Variants in RAP1GAP2 observed in about 807,000 individuals in gnomAD.
RAP1GAP2 encodes the protein rap1 GTPase-activating protein 2.
Under a neutral mutation model 95.0 loss-of-function variants are expected in RAP1GAP2, and 27 were observed. The observed-to-expected ratio is 0.28, with a 90% CI of 0.21 to 0.39. The LOEUF (loss-of-function observed/expected upper bound fraction) is 0.39. RAP1GAP2 is among the 10% of genes least tolerant of loss of function. The probability of loss-of-function intolerance (pLI) is 1.00; values close to 1 mark genes in which losing one functional copy is unlikely to be tolerated. For synonymous variants in RAP1GAP2, 373 were observed against 380.9 expected (o/e 0.98, Z 0.24); for missense variants, 771 against 970.0 (o/e 0.79, Z 2.72).
intron 24 of RAP1GAP2, among the ~76,000 whole-genome samples, chr17:3,032,859 T>C (rs2151681386): frequency 6.6e-6 from 1 of 152,290 alleles, no homozygotes; most frequent in South Asian, 2.1e-4. Context: ...TCTCCCTCCC[T>C]GTCGGGAGTC....
chr17:2,992,645 T>C (rs1433230954), intron 12 of RAP1GAP2, among the ~76,000 whole-genome samples: 3 of 152,194 alleles, frequency 2.0e-5, no homozygotes, highest in Non-Finnish European at 2.9e-5. Context: ...AGCAGCCAGA[T>C]TGACATGAGC....
At chr17:2,983,434 G>A (rs1182977124) in intron 10 of RAP1GAP2, among the ~76,000 whole-genome samples, 1 of 151,968 alleles carries the variant, frequency 6.6e-6, no homozygotes, top group Non-Finnish European at 1.5e-5. Flanking sequence ...TCTCAGGAGC[G>A]TCATAAAAAA....
intron 8 of RAP1GAP2, among the ~76,000 whole-genome samples, chr17:2,969,314 G>T (rs1400227601): frequency 1.3e-5 from 2 of 151,574 alleles, no homozygotes; most frequent in Non-Finnish European, 2.9e-5. Context: ...CTGTGGACCT[G>T]CTACATCAGA....
chr17:2,964,438 C>T (rs1182379342), intron 7 of RAP1GAP2: 6 of 243,056 alleles, frequency 2.5e-5, no homozygotes, highest in Non-Finnish European at 4.9e-5. Context: ...TTACCTCCTT[C>T]CTAGTCTGTC....
intron 16 of RAP1GAP2, among the ~76,000 whole-genome samples, chr17:3,006,757 A>G (rs1442409066): frequency 6.6e-6 from 1 of 152,090 alleles, no homozygotes; most frequent in Non-Finnish European, 1.5e-5. Flanking sequence ...TAAAGCACCT[A>G]CTATGTGTCA....
chr17:2,841,734 C>G (rs2071381516), intron 2 of RAP1GAP2, among the ~76,000 whole-genome samples: 1 of 152,276 alleles, frequency 6.6e-6, no homozygotes, highest in East Asian at 1.9e-4. Flanking sequence ...ATCTCCTGGC[C>G]TGTTTCCCAA....
In RAP1GAP2 at chr17:2,910,598, A is replaced by T. The variant is rs78805216; in HGVS notation, c.165+5230A>T. The stretch of plus-strand genomic sequence containing the variant: ...CACCCCTTTGGTTGATTAGCTTGGG[A>T]GTCACAGAAGATTAGGGATGGGCGA... On this transcript the variant is annotated intron_variant, in intron 3 of 24. Coordinates refer to ENST00000254695, the MANE Select transcript of RAP1GAP2 (RefSeq NM_015085.5). 1.4e-3 allele frequency among the ~76,000 whole-genome samples: 219 copies of T among 152,298 alleles called. 2 individuals are homozygous for T. In the East Asian group the frequency reaches 0.022, roughly 15 times the overall value.
At chr17:2,768,846 G>T (rs2068327327) in intron 1 of RAP1GAP2, among the ~76,000 whole-genome samples, 1 of 151,956 alleles carries the variant, frequency 6.6e-6, no homozygotes, top group South Asian at 2.1e-4. Context: ...GGGAGCCTGG[G>T]AGAGACCCTG....
chr17:2,807,127 C>T (rs2069556671), intron 2 of RAP1GAP2, among the ~76,000 whole-genome samples: 1 of 152,208 alleles, frequency 6.6e-6, no homozygotes, highest in Non-Finnish European at 1.5e-5. Context: ...AAACTCCCGA[C>T]CTCAGGTGAT....
intron 13 of RAP1GAP2, among the ~76,000 whole-genome samples, chr17:2,996,962 C>T (rs750285444): frequency 1.3e-5 from 2 of 152,118 alleles, no homozygotes; most frequent in Admixed American, 6.6e-5. Context: ...AGCCAGGACT[C>T]GACATACAGG....
chr17:2,868,326 CA>C (rs1392616591), intron 2 of RAP1GAP2, among the ~76,000 whole-genome samples: 1 of 152,022 alleles, frequency 6.6e-6, no homozygotes, highest in East Asian at 1.9e-4. Context: ...CTCTAGATGG[CA>C]AAAACACGAC....
At chr17:2,795,364 A>G (rs1235651716), upstream of RAP1GAP2, among the ~76,000 whole-genome samples, 1 of 152,192 alleles carries the variant, frequency 6.6e-6, no homozygotes, top group Non-Finnish European at 1.5e-5. Flanking sequence ...GGTCAGCACC[A>G]GTGCGTGCAG....
intron 11 of RAP1GAP2, 56 bp downstream of exon 11, chr17:2,985,122 C>CTT: frequency 6.2e-7 from 1 of 1,607,462 alleles, no homozygotes; most frequent in Non-Finnish European, 8.5e-7. Flanking sequence ...ACTTAGGACT[C>CTT]TTTTTATCCC....
intron 2 of RAP1GAP2, among the ~76,000 whole-genome samples, chr17:2,862,459 G>A (rs888444432): frequency 6.6e-6 from 1 of 152,064 alleles, no homozygotes; most frequent in African/African-American, 2.4e-5. Flanking sequence ...CTGTTCAGAC[G>A]GGGGCTGCTG....
chr17:2,819,564 C>T (rs538650472), intron 2 of RAP1GAP2, among the ~76,000 whole-genome samples: 7 of 151,952 alleles, frequency 4.6e-5, no homozygotes, highest in Admixed American at 3.9e-4. Context: ...GCCTCTGCCT[C>T]CCGGGTTCCA....
At chr17:2,761,703 C>T (rs1191180798) in intron 1 of RAP1GAP2, among the ~76,000 whole-genome samples, 1 of 152,136 alleles carries the variant, frequency 6.6e-6, no homozygotes, top group Non-Finnish European at 1.5e-5. Flanking sequence ...GCTCTAGTCC[C>T]TTGAGTAAAA....
intron 1 of RAP1GAP2, among the ~76,000 whole-genome samples, chr17:2,760,923 C>T (rs2071233874): frequency 6.6e-6 from 1 of 151,176 alleles, no homozygotes; most frequent in Non-Finnish European, 1.5e-5. Context: ...AGGAGGATCA[C>T]AGGGATGGGT....
intron 3 of RAP1GAP2, among the ~76,000 whole-genome samples, chr17:2,947,921 G>T (rs957067559): frequency 6.6e-5 from 10 of 152,080 alleles, no homozygotes; most frequent in African/African-American, 2.4e-4. Flanking sequence ...AGCACTTTCT[G>T]GCCCGCATCT....
At chr17:2,832,530 C>T (rs2070927950) in intron 2 of RAP1GAP2, among the ~76,000 whole-genome samples, 1 of 145,302 alleles carries the variant, frequency 6.9e-6, no homozygotes, top group Non-Finnish European at 1.5e-5. Flanking sequence ...TGCACTCCAG[C>T]CTGGGCGACA....
Sources: gnomAD v4.1 joint callset for allele counts (sites outside exome capture counted in the v4.1 genomes callset) on GRCh38, gnomAD v4.1.1 for gene constraint, MANE v1.5 for transcripts, NCBI Gene and HGNC (gene_info 2026-07-23, HGNC 2026-07-21) for gene names.